GALNT13: variants seen among roughly 807,000 people sequenced by gnomAD.
GALNT13 encodes the protein polypeptide N-acetylgalactosaminyltransferase 13, also known as UDP-GalNAc:polypeptide N-acetylgalactosaminyltransferase 13.
Under a neutral mutation model 64.2 loss-of-function variants are expected in GALNT13, and 28 were observed. That is an observed-to-expected ratio of 0.44 (90% CI 0.32 to 0.60). The LOEUF is 0.60. GALNT13 is among the 20% of genes least tolerant of loss of function. The pLI is 0.05. For synonymous variants in GALNT13, 214 were observed against 224.6 expected (o/e 0.95, Z 0.42); for missense variants, 577 against 669.8 (o/e 0.86, Z 1.53).
chr2:154,271,911 T>G (rs547873297), intron 8 of GALNT13, among the ~76,000 whole-genome samples: 1 of 151,898 alleles, frequency 6.6e-6, no homozygotes, highest in South Asian at 2.1e-4. Flanking sequence ...AAATAAATGC[T>G]GAATGGTACT....
intron 3 of GALNT13, among the ~76,000 whole-genome samples, chr2:153,965,926 T>G (rs79104744): frequency 8.7e-5 from 13 of 149,448 alleles, no homozygotes; most frequent in African/African-American, 3.2e-4. Context: ...TTAGTTACTA[T>G]TTTTGATAGG....
chr2:153,589,135 C>CAA, the GALNT13 span, among the ~76,000 whole-genome samples: 29 of 148,556 alleles, frequency 2.0e-4, no homozygotes, highest in Non-Finnish European at 3.9e-4. Flanking sequence ...AACTTTGTCT[C>CAA]AAAAAAAAAA....
intron 11 of GALNT13, among the ~76,000 whole-genome samples, chr2:154,418,530 T>G (rs1700122504): frequency 6.6e-6 from 1 of 152,148 alleles, no homozygotes; most frequent in Non-Finnish European, 1.5e-5. Flanking sequence ...AGGGAATGGT[T>G]GTAGTCACAA....
At chr2:153,391,561 C>T in the GALNT13 span, among the ~76,000 whole-genome samples, 3 of 151,950 alleles carry the variant, frequency 2.0e-5, no homozygotes, top group Non-Finnish European at 4.4e-5. Flanking sequence ...TCTAATTTAT[C>T]ATTTTGGATT....
At chr2:153,110,666 G>T in the GALNT13 span, among the ~76,000 whole-genome samples, 2 of 152,056 alleles carry the variant, frequency 1.3e-5, no homozygotes, top group African/African-American at 4.8e-5. Context: ...GGACCAGACT[G>T]GTCTCTGGGA....
At chr2:154,096,465 A>G (rs922404086) in intron 3 of GALNT13, among the ~76,000 whole-genome samples, 2 of 152,064 alleles carry the variant, frequency 1.3e-5, no homozygotes, top group Non-Finnish European at 2.9e-5. Context: ...ATTTCTCAAC[A>G]CTAAAATGAT....
chr2:153,455,146 G>C, the GALNT13 span, among the ~76,000 whole-genome samples: 6 of 152,120 alleles, frequency 3.9e-5, no homozygotes, highest in Non-Finnish European at 8.8e-5. Flanking sequence ...GGTGATGCTT[G>C]CATTTTTTTC....
At chr2:153,570,699 T>C in the GALNT13 span, among the ~76,000 whole-genome samples, 1 of 152,174 alleles carries the variant, frequency 6.6e-6, no homozygotes, top group South Asian at 2.1e-4. Flanking sequence ...CCCAGCACCA[T>C]TTATTAAAGA....
At chr2:153,994,207 G>A (rs1318055372) in intron 3 of GALNT13, among the ~76,000 whole-genome samples, 1 of 152,054 alleles carries the variant, frequency 6.6e-6, no homozygotes, top group African/African-American at 2.4e-5. Flanking sequence ...GAGAATGATG[G>A]TTTCCAGCTT....
the GALNT13 span, among the ~76,000 whole-genome samples, chr2:153,665,617 AG>A: frequency 6.6e-6 from 1 of 152,106 alleles, no homozygotes; most frequent in Non-Finnish European, 1.5e-5. Flanking sequence ...AAAGATAAAA[AG>A]GGGGTGAACA....
At chr2:153,498,512 G>A in the GALNT13 span, among the ~76,000 whole-genome samples, 1 of 152,232 alleles carries the variant, frequency 6.6e-6, no homozygotes, top group Non-Finnish European at 1.5e-5. Flanking sequence ...TGGCTGCTGT[G>A]GTGGGGCGGG....
chr2:153,330,855 C>A, the GALNT13 span, among the ~76,000 whole-genome samples: 1 of 152,112 alleles, frequency 6.6e-6, no homozygotes, highest in Non-Finnish European at 1.5e-5. Flanking sequence ...TGTCTTCTTC[C>A]AGTTCTCAAG....
At chr2:153,612,201 G>C in the GALNT13 span, among the ~76,000 whole-genome samples, 1 of 152,054 alleles carries the variant, frequency 6.6e-6, no homozygotes, top group Non-Finnish European at 1.5e-5. Context: ...CGATGCCATC[G>C]AGCATGTGGA....
chr2:154,437,037 C>A (rs1222762995), intron 11 of GALNT13: 2 of 152,244 alleles, frequency 1.3e-5, no homozygotes, highest in Admixed American at 6.6e-5. Flanking sequence ...GGACAACAGG[C>A]GTGTACCACC....
At chr2:153,530,709 GAATA>G in the GALNT13 span, among the ~76,000 whole-genome samples, 1 of 152,016 alleles carries the variant, frequency 6.6e-6, no homozygotes, top group Non-Finnish European at 1.5e-5. Flanking sequence ...CAGGTGAATA[GAATA>G]GAGAACCCAG....
chr2:153,719,779 A>AC, the GALNT13 span, among the ~76,000 whole-genome samples: 1 of 151,610 alleles, frequency 6.6e-6, no homozygotes, highest in Non-Finnish European at 1.5e-5. Flanking sequence ...GCACCACGAG[A>AC]CTATATCCCA....
At chr2:153,112,790 A>G in the GALNT13 span, among the ~76,000 whole-genome samples, 8 of 152,112 alleles carry the variant, frequency 5.3e-5, no homozygotes, top group Admixed American at 3.3e-4. Flanking sequence ...TGTAAACAGA[A>G]TAGTTCTCAC....
At chr2:153,193,145 C>T in the GALNT13 span, among the ~76,000 whole-genome samples, 5 of 151,854 alleles carry the variant, frequency 3.3e-5, no homozygotes, top group African/African-American at 7.3e-5. Flanking sequence ...AAGACACATG[C>T]ACACGTATAT....
At chr2:153,378,429 G>A in the GALNT13 span, among the ~76,000 whole-genome samples, 4 of 152,004 alleles carry the variant, frequency 2.6e-5, no homozygotes, top group African/African-American at 7.2e-5. Flanking sequence ...TGAAAACATA[G>A]CTCTGAAGAG....
Sources: gnomAD v4.1 joint callset for allele counts (sites outside exome capture counted in the v4.1 genomes callset) on GRCh38, gnomAD v4.1.1 for gene constraint, MANE v1.5 for transcripts, NCBI Gene and HGNC (gene_info 2026-07-23, HGNC 2026-07-21) for gene names.